VPS50: variants seen among roughly 807,000 people sequenced by gnomAD.
VPS50 encodes the protein syndetin.
VPS50 carries 70 observed loss-of-function variants against 139.7 expected under a neutral mutation model. That is an observed-to-expected ratio of 0.50 (90% CI 0.41 to 0.61). VPS50 has a LOEUF of 0.61. Among genes scored for constraint, VPS50 ranks in the 20% least tolerant of loss-of-function variants. The pLI is 0.00. For missense variants in VPS50, 921 were observed against 1,133.7 expected (o/e 0.81, Z 2.69); for synonymous variants, 365 against 376.7 (o/e 0.97, Z 0.36).
chr7:93,329,998 A>C (rs1190629535), intron 21 of VPS50, among the ~76,000 whole-genome samples: 1 of 152,206 alleles, frequency 6.6e-6, no homozygotes, highest in African/African-American at 2.4e-5. Context: ...GTGGAAATTC[A>C]AAAGATAATT....
chr7:93,300,836 CA>C lies in VPS50; in HGVS notation c.1362-2617del, dbSNP rs913536280. ...AAAAGTAAAAATATATATGATTGAT[CA>C]AAAAAATGCAGAAAGAGAAAATTTC... On this transcript the variant is annotated intron_variant, in intron 16 of 27. Coordinates refer to ENST00000305866, the MANE Select transcript of VPS50 (RefSeq NM_017667.4). Among the ~76,000 whole-genome samples the C allele has an allele frequency of 8.6e-5, 13 of 151,176 alleles. No homozygotes were observed. The East Asian group carries it at 1.4e-3, about 16-fold the overall frequency.
At chr7:93,254,632 C>A (rs762995064) in intron 4 of VPS50, among the ~76,000 whole-genome samples, 6 of 152,158 alleles carry the variant, frequency 3.9e-5, no homozygotes, top group Non-Finnish European at 8.8e-5. Flanking sequence ...ATTGTAGTCA[C>A]TAATTATGAT....
At position 93,294,710 on chromosome 7, in the gene VPS50, T is replaced by G. The variant is rs184987031; in HGVS notation, c.1167+74T>G. On this transcript the variant is annotated intron_variant, in intron 14 of 27. Coordinates refer to ENST00000305866, the MANE Select transcript of VPS50 (RefSeq NM_017667.4). ...ATGTCATAGTTTTAGAAATTCAGTT[T>G]TAAGTTTTCTATATATGTATTCTTT... 9.1e-4 allele frequency: 1,065 copies of G among 1,174,092 alleles called. 12 individuals carry two copies. In the Admixed American group the frequency reaches 0.015, roughly 17 times the overall value. 72.7% of individuals were successfully genotyped at this position (1,174,092 alleles called of 1,614,324 possible).
intron 8 of VPS50, among the ~76,000 whole-genome samples, chr7:93,259,168 T>C (rs1251880009): frequency 6.6e-6 from 1 of 152,012 alleles, no homozygotes; most frequent in African/African-American, 2.4e-5. Context: ...TGACTATCAA[T>C]TACAAATAGA....
At chr7:93,292,900 GACT>G (rs1277829407) in intron 13 of VPS50, among the ~76,000 whole-genome samples, 1 of 152,110 alleles carries the variant, frequency 6.6e-6, no homozygotes, top group Non-Finnish European at 1.5e-5. Flanking sequence ...TTCCAGGTCA[GACT>G]ACTTTTACCC....
intron 9 of VPS50, among the ~76,000 whole-genome samples, chr7:93,267,331 T>C (rs933244641): frequency 1.3e-5 from 2 of 152,188 alleles, no homozygotes; most frequent in African/African-American, 4.8e-5. Context: ...CTCTCTTTTC[T>C]TGCTAAGGCT....
At chr7:93,266,598 T>G (rs1358496309) in intron 9 of VPS50, among the ~76,000 whole-genome samples, 1 of 152,216 alleles carries the variant, frequency 6.6e-6, no homozygotes, top group East Asian at 1.9e-4. Flanking sequence ...GTAAAAACCC[T>G]TTGCAGAATT....
Position 93,356,907 on chromosome 7 carries a change from T to C in VPS50, c.2775+827T>C, listed in dbSNP as rs145790136. ...CTCATCCTTTCTGGCCTTAACACTG[T>C]AAAGAGATAAAATGCATTAGCCTAG... is the stretch of plus-strand genomic sequence containing the variant. On this transcript the variant is annotated intron_variant, in intron 27 of 27. Transcript: ENST00000305866. Among the ~76,000 whole-genome samples the C allele has an allele frequency of 6.1e-4, 93 of 152,320 alleles. 3 individuals carry two copies. In the East Asian group the frequency reaches 0.018, roughly 29 times the overall value.
intron 21 of VPS50, among the ~76,000 whole-genome samples, chr7:93,328,101 C>G (rs1398812063): frequency 6.6e-6 from 1 of 152,162 alleles, no homozygotes; most frequent in Non-Finnish European, 1.5e-5. Flanking sequence ...ACCTCATGCT[C>G]TATTTTATAT....
At chr7:93,236,418 A>G (rs1052196594) in intron 1 of VPS50, among the ~76,000 whole-genome samples, 2 of 152,212 alleles carry the variant, frequency 1.3e-5, no homozygotes, top group African/African-American at 2.4e-5. Flanking sequence ...TTGGATGGAT[A>G]AGACATAGTT....
At chr7:93,309,398 ATC>A (rs1427275079) in intron 19 of VPS50, among the ~76,000 whole-genome samples, 1 of 151,980 alleles carries the variant, frequency 6.6e-6, no homozygotes, top group East Asian at 1.9e-4. Context: ...ATTTGTTTAA[ATC>A]TGTTAAAATT....
chr7:93,280,907 A>G (rs1467116950), intron 12 of VPS50, among the ~76,000 whole-genome samples: 1 of 152,164 alleles, frequency 6.6e-6, no homozygotes, highest in Non-Finnish European at 1.5e-5. Context: ...GTATATATAT[A>G]TATACATACA....
At chr7:93,280,642 A>G (rs1562866370) in intron 12 of VPS50, among the ~76,000 whole-genome samples, 1 of 151,240 alleles carries the variant, frequency 6.6e-6, no homozygotes, top group African/African-American at 2.4e-5. Context: ...ATTCATAAGG[A>G]TTTTTTTTTC....
chr7:93,233,976 G>C (rs1226349963), intron 1 of VPS50, among the ~76,000 whole-genome samples: 1 of 152,228 alleles, frequency 6.6e-6, no homozygotes, highest in Non-Finnish European at 1.5e-5. Context: ...TGGTGGGAAA[G>C]CAGGAAAATT....
At position 93,356,199 on chromosome 7, in the gene VPS50, T is replaced by A. The variant is rs1445998682; in HGVS notation, c.2775+119T>A. 2.7e-5 allele frequency: 14 copies of A among 517,506 alleles called. No individual in the cohort carries two copies. In the East Asian group the frequency reaches 4.0e-4, roughly 15 times the overall value. 32.1% of individuals were successfully genotyped at this position (517,506 alleles called of 1,614,324 possible). ...AAATATAAAGAAACATTTGCTTTTTTAATACAAACTACTTAGGTCAATTCT... is the reference window on the plus strand; with the variant it reads ...AAATATAAAGAAACATTTGCTTTTTAAATACAAACTACTTAGGTCAATTCT... On this transcript the variant is annotated intron_variant, in intron 27 of 27. Transcript: ENST00000305866.
rs1013670602 is a variant in VPS50, at chr7:93,358,637, C to T, written c.*201C>T. On this transcript the variant is annotated 3_prime_UTR_variant, in exon 28 of 28. Transcript: ENST00000305866. ...CTGTGGTCTCTTCAACTTTTGGTCT[C>T]ATTTGTTGTAATCTGAAATGATGTT... is the stretch of plus-strand genomic sequence containing the variant. The T allele has an allele frequency of 2.2e-5, 10 of 465,106 alleles. No homozygotes were observed. Among genetic ancestry groups the T allele is most frequent in the African/African-American group, 5.8e-5 (3 of 51,446 alleles). 28.8% of individuals were successfully genotyped at this position (465,106 alleles called of 1,614,324 possible).
chr7:93,285,446 A>G, intron 12 of VPS50, among the ~76,000 whole-genome samples: 1 of 152,214 alleles, frequency 6.6e-6, no homozygotes, highest in Non-Finnish European at 1.5e-5. Context: ...TATAGAATAA[A>G]AAGCAAAAGA....
At chr7:93,315,994 T>C (rs1388423994) in intron 20 of VPS50, among the ~76,000 whole-genome samples, 3 of 152,142 alleles carry the variant, frequency 2.0e-5, no homozygotes, top group African/African-American at 7.2e-5. Context: ...TAAGCATAAA[T>C]AAACAGAAAA....
chr7:93,246,079 C>T (rs1169113859), intron 2 of VPS50: 1 of 1,483,050 alleles, frequency 6.7e-7, no homozygotes, highest in Non-Finnish European at 9.0e-7. Context: ...TCACTAAACG[C>T]TTCTTTTTTT....
Sources: allele counts gnomAD v4.1 joint callset (sites outside exome capture counted in the v4.1 genomes callset), GRCh38; gene constraint gnomAD v4.1.1; transcripts MANE v1.5; gene names NCBI Gene and HGNC (gene_info 2026-07-23, HGNC 2026-07-21).